Variants in EPHA7 observed in about 807,000 individuals in gnomAD.
The protein encoded by EPHA7 is EPH receptor A7.
In EPHA7, 25 loss-of-function variants were observed where a neutral mutation model predicts 112.6. The ratio of observed to expected loss-of-function variants is 0.22; its 90% CI spans 0.16 to 0.31. The LOEUF is 0.31. Among genes scored for constraint, EPHA7 ranks in the 10% least tolerant of loss-of-function variants. EPHA7 has a pLI of 1.00. For synonymous variants in EPHA7, 437 were observed against 406.5 expected (o/e 1.07, Z -0.90); for missense variants, 962 against 1,212.6 (o/e 0.79, Z 3.07).
intron 5 of EPHA7, among the ~76,000 whole-genome samples, chr6:93,332,801 A>T (rs1008393554): frequency 3.3e-5 from 5 of 151,790 alleles, no homozygotes; most frequent in Non-Finnish European, 7.4e-5. Context: ...CAGAGTATTA[A>T]TTTAAACATA....
chr6:93,308,051 A>T (rs1773346225), intron 5 of EPHA7, among the ~76,000 whole-genome samples: 1 of 152,118 alleles, frequency 6.6e-6, no homozygotes, highest in African/African-American at 2.4e-5. Context: ...GCTGGGAGAA[A>T]TGCTAGTGTG....
At chr6:93,334,670 T>G (rs1435237099) in intron 5 of EPHA7, among the ~76,000 whole-genome samples, 1 of 152,082 alleles carries the variant, frequency 6.6e-6, no homozygotes, top group Non-Finnish European at 1.5e-5. Flanking sequence ...ATTAAGGTGT[T>G]AGCATTTCTG....
intron 5 of EPHA7, among the ~76,000 whole-genome samples, chr6:93,281,758 T>G (rs1771750970): frequency 6.6e-6 from 1 of 152,198 alleles, no homozygotes; most frequent in Non-Finnish European, 1.5e-5. Context: ...ATTTTTGACA[T>G]GATAACATAG....
intron 5 of EPHA7, among the ~76,000 whole-genome samples, chr6:93,291,771 A>AAAAAAAT: frequency 6.7e-6 from 1 of 149,680 alleles, no homozygotes; most frequent in Non-Finnish European, 1.5e-5. Flanking sequence ...CCGTCTCAAA[A>AAAAAAAT]AAAAAAAAAA....
At chr6:93,310,775 A>G (rs540233239) in intron 5 of EPHA7, among the ~76,000 whole-genome samples, 1 of 152,294 alleles carries the variant, frequency 6.6e-6, no homozygotes, top group African/African-American at 2.4e-5. Flanking sequence ...AAAACTGCTA[A>G]TCCTCTGAAC....
At chr6:93,367,195 T>C (rs879433099) in intron 3 of EPHA7, among the ~76,000 whole-genome samples, 5 of 152,164 alleles carry the variant, frequency 3.3e-5, no homozygotes, top group Non-Finnish European at 5.9e-5. Flanking sequence ...TGAGGACATG[T>C]CTTTATGAAC....
chr6:93,400,140 C>T (rs914820770), intron 3 of EPHA7, among the ~76,000 whole-genome samples: 4 of 151,906 alleles, frequency 2.6e-5, no homozygotes, highest in African/African-American at 9.7e-5. Flanking sequence ...TTATATAATA[C>T]AAGTCACTTA....
intron 5 of EPHA7, among the ~76,000 whole-genome samples, chr6:93,273,414 G>A (rs565161875): frequency 2.0e-4 from 30 of 151,294 alleles, no homozygotes; most frequent in Non-Finnish European, 3.7e-4. Context: ...TAATCCTGCT[G>A]ACAGAAAAGC....
chr6:93,243,686 C>G (rs1212201040), intron 16 of EPHA7, 146 bp from the exon 17 acceptor site: 1 of 597,066 alleles, frequency 1.7e-6, no homozygotes, highest in African/African-American at 1.9e-5. Flanking sequence ...CACACCCCTG[C>G]AGCAGATCAG....
intron 5 of EPHA7, among the ~76,000 whole-genome samples, chr6:93,282,833 C>T (rs986492954): frequency 6.6e-6 from 1 of 152,168 alleles, no homozygotes; most frequent in East Asian, 1.9e-4. Context: ...TTAGCTGCCT[C>T]CCTGCAGGGC....
intron 5 of EPHA7, among the ~76,000 whole-genome samples, chr6:93,309,643 T>A (rs928760467): frequency 6.6e-6 from 1 of 152,090 alleles, no homozygotes; most frequent in African/African-American, 2.4e-5. Context: ...TCCTATATAA[T>A]TCAAGATAAT....
chr6:93,297,279 A>G (rs192819845), intron 5 of EPHA7, among the ~76,000 whole-genome samples: 74 of 152,208 alleles, frequency 4.9e-4, no homozygotes, highest in Non-Finnish European at 9.9e-4. Flanking sequence ...CAAGATCACC[A>G]AACTTGTAAC....
chr6:93,411,205 G>C (rs1778961400), intron 2 of EPHA7, 35 bp from the exon 3 acceptor site: 8 of 1,551,066 alleles, frequency 5.2e-6, no homozygotes, highest in South Asian at 3.5e-5. Context: ...CAGTCATTCA[G>C]CAAAAAATAA....
intron 14 of EPHA7, among the ~76,000 whole-genome samples, chr6:93,254,121 T>C (rs1770333784): frequency 6.6e-6 from 1 of 152,160 alleles, no homozygotes; most frequent in Non-Finnish European, 1.5e-5. Flanking sequence ...GATATTCTTA[T>C]TGTGATTACA....
rs1243848233 is a variant in EPHA7, at chr6:93,263,772, G to T, written c.1798+88C>A. 1.6e-5 allele frequency: 15 copies of T among 966,186 alleles called. No homozygotes were observed. In the South Asian group the frequency reaches 1.6e-4, roughly 10 times the overall value. 59.9% of individuals were successfully genotyped at this position (966,186 alleles called of 1,614,324 possible). A position where few individuals can be genotyped will look rare whatever the true frequency, so the allele number is the denominator to read the frequency against. Reference sequence around the variant, plus strand: ...CTCATGGTATAATTTCAAGCATGATGCATGAGGACTTTGTTAATGCCAATG... The same window carrying T: ...CTCATGGTATAATTTCAAGCATGATTCATGAGGACTTTGTTAATGCCAATG... On this transcript the variant is annotated intron_variant, in intron 9 of 16. Transcript: ENST00000369303.
chr6:93,301,548 G>T (rs559400943), intron 5 of EPHA7, among the ~76,000 whole-genome samples: 2 of 151,928 alleles, frequency 1.3e-5, no homozygotes, highest in Non-Finnish European at 2.9e-5. Context: ...ATTTAATAGC[G>T]ATTTTTTTAC....
chr6:93,342,023 G>A (rs1312717036), intron 5 of EPHA7, among the ~76,000 whole-genome samples: 1 of 151,684 alleles, frequency 6.6e-6, no homozygotes, highest in Non-Finnish European at 1.5e-5. Context: ...TAATTCTGAA[G>A]GTCTGTCTGC....
At chr6:93,336,641 T>C (rs1302791438) in intron 5 of EPHA7, among the ~76,000 whole-genome samples, 1 of 152,046 alleles carries the variant, frequency 6.6e-6, no homozygotes, top group Admixed American at 6.6e-5. Context: ...GACCTTGTGA[T>C]CTGCCCGCCT....
intron 3 of EPHA7, among the ~76,000 whole-genome samples, chr6:93,369,960 A>G (rs1167154509): frequency 6.6e-6 from 1 of 152,198 alleles, no homozygotes; most frequent in African/African-American, 2.4e-5. Flanking sequence ...CCTTGGCTAC[A>G]GAAGTAAGGA....
Sources: allele counts gnomAD v4.1 joint callset (sites outside exome capture counted in the v4.1 genomes callset), GRCh38; gene constraint gnomAD v4.1.1; transcripts MANE v1.5; gene names NCBI Gene and HGNC (gene_info 2026-07-23, HGNC 2026-07-21).